The following SNX29 variants were observed in gnomAD, a reference collection of about 807,000 sequenced individuals.
The protein encoded by SNX29 is sorting nexin-29.
In SNX29, 78 loss-of-function variants were observed where a neutral mutation model predicts 102.1. The observed-to-expected ratio is 0.76, with a 90% CI of 0.64 to 0.92. SNX29 has a LOEUF of 0.92. SNX29 is among the 40% of genes least tolerant of loss of function. SNX29 has a pLI of 0.00. For missense variants in SNX29, 1,280 were observed against 1,061.7 expected (o/e 1.21, Z -2.86); for synonymous variants, 580 against 414.5 (o/e 1.40, Z -4.85).
intron 11 of SNX29, among the ~76,000 whole-genome samples, chr16:12,116,890 G>A (rs1428050358): frequency 1.3e-5 from 2 of 152,124 alleles, no homozygotes; most frequent in South Asian, 4.1e-4. Context: ...GCTTCAACGC[G>A]GACGAACCGT....
chr16:12,144,911 CG>C (rs2055001343), intron 13 of SNX29, among the ~76,000 whole-genome samples: 1 of 152,138 alleles, frequency 6.6e-6, no homozygotes, highest in South Asian at 2.1e-4. Flanking sequence ...TTAGTAGAGA[CG>C]GGGTTTCACC....
chr16:12,052,434 C>G (rs1479739429), intron 8 of SNX29: 4 of 473,820 alleles, frequency 8.4e-6, no homozygotes, highest in African/African-American at 5.9e-5. Context: ...CCAGGCTGGT[C>G]TCAAACTCCT....
rs559582375 is a variant in SNX29 at position 12,080,337 on chromosome 16, A to T, written c.1402+1422A>T. 5.9e-5 allele frequency among the ~76,000 whole-genome samples: 9 copies of T among 152,306 alleles called. No homozygotes were observed. In the South Asian group the frequency reaches 1.9e-3, roughly 32 times the overall value. On this transcript the variant is annotated intron_variant, in intron 11 of 20. Coordinates refer to ENST00000566228, the MANE Select transcript of SNX29 (RefSeq NM_032167.5). ...AGACACCGTAAGGCTGCTGCGTGGGAACGGCTGGCCGCACTTTTTGTATGT... is the reference window on the plus strand; with the variant it reads ...AGACACCGTAAGGCTGCTGCGTGGGTACGGCTGGCCGCACTTTTTGTATGT...
chr16:12,457,412 C>T (rs1452423820), intron 18 of SNX29, among the ~76,000 whole-genome samples: 1 of 152,158 alleles, frequency 6.6e-6, no homozygotes, highest in African/African-American at 2.4e-5. Context: ...CCTCCCCACT[C>T]TTAGTGATTG....
At chr16:12,380,667 C>A (rs372000963) in intron 16 of SNX29, among the ~76,000 whole-genome samples, 78 of 65,588 alleles carry the variant, frequency 1.2e-3, no homozygotes, top group South Asian at 3.9e-3. Flanking sequence ...TCCACCCACC[C>A]ACCATCCATC....
chr16:12,198,477 GA>G (rs751609136), intron 13 of SNX29, among the ~76,000 whole-genome samples: 2 of 152,056 alleles, frequency 1.3e-5, no homozygotes, highest in Admixed American at 1.3e-4. Flanking sequence ...TATAATCACA[GA>G]AAAAACCCAG....
intron 15 of SNX29, among the ~76,000 whole-genome samples, chr16:12,351,883 G>C (rs2082000411): frequency 1.3e-5 from 2 of 152,080 alleles, no homozygotes; most frequent in African/African-American, 4.8e-5. Context: ...TCTTCTTGAG[G>C]AACAGTGATT....
intron 19 of SNX29, among the ~76,000 whole-genome samples, chr16:12,494,075 T>A (rs758912213): frequency 5.3e-5 from 8 of 152,200 alleles, no homozygotes; most frequent in Non-Finnish European, 7.3e-5. Context: ...ATGCCATCCT[T>A]TGTCTACAAA....
At chr16:12,201,646 C>T (rs1009066401) in intron 14 of SNX29, among the ~76,000 whole-genome samples, 10 of 152,138 alleles carry the variant, frequency 6.6e-5, no homozygotes, top group Admixed American at 1.3e-4. Context: ...AGGACACTGC[C>T]GCTGGGAGTT....
intron 11 of SNX29, chr16:12,095,078 A>C (rs1276108082): frequency 6.6e-6 from 1 of 152,208 alleles, no homozygotes; most frequent in East Asian, 1.9e-4. Context: ...GACCTGTGGA[A>C]TGCACCAGAC....
chr16:12,521,695 C>T (rs977586511), intron 19 of SNX29, among the ~76,000 whole-genome samples: 2 of 152,148 alleles, frequency 1.3e-5, no homozygotes, highest in Admixed American at 6.5e-5. Flanking sequence ...TTCATGAGCT[C>T]CGTTGGGCAC....
At chr16:12,568,439 C>G (rs1053901755) in intron 20 of SNX29, 67 bp from the exon 21 acceptor site, 4 of 1,588,482 alleles carry the variant, frequency 2.5e-6, no homozygotes, top group South Asian at 2.3e-5. Context: ...CCTGGCTCCC[C>G]TTCCTGGCCT....
chr16:12,074,644 T>C (rs1383186394), intron 10 of SNX29, among the ~76,000 whole-genome samples: 1 of 152,186 alleles, frequency 6.6e-6, no homozygotes, highest in Non-Finnish European at 1.5e-5. Context: ...TTATGTGTCT[T>C]GGAGTTGCTC....
intron 18 of SNX29, among the ~76,000 whole-genome samples, chr16:12,442,234 G>C (rs1461781141): frequency 6.6e-6 from 1 of 152,162 alleles, no homozygotes; most frequent in Non-Finnish European, 1.5e-5. Flanking sequence ...GACTATAGAT[G>C]AATGGGTTTG....
intron 15 of SNX29, among the ~76,000 whole-genome samples, chr16:12,325,141 C>A (rs1188060844): frequency 6.6e-6 from 1 of 152,186 alleles, no homozygotes; most frequent in East Asian, 1.9e-4. Context: ...ATCTCTACTT[C>A]TGCAGGCCCC....
At chr16:12,378,039 A>C (rs969348325) in intron 16 of SNX29, among the ~76,000 whole-genome samples, 1 of 152,236 alleles carries the variant, frequency 6.6e-6, no homozygotes, top group Non-Finnish European at 1.5e-5. Flanking sequence ...AGAAGCCAGT[A>C]CAAACTGGCC....
chr16:12,559,773 C>T (rs963331160), intron 20 of SNX29, among the ~76,000 whole-genome samples: 1 of 152,142 alleles, frequency 6.6e-6, no homozygotes, highest in Non-Finnish European at 1.5e-5. Context: ...ACTCTGAAAG[C>T]ATTACACAGC....
intron 15 of SNX29, among the ~76,000 whole-genome samples, chr16:12,335,434 A>T (rs748135232): frequency 3.3e-5 from 5 of 152,046 alleles, no homozygotes; most frequent in African/African-American, 1.2e-4. Context: ...AGAGGCCAAG[A>T]TGGAAGGATC....
chr16:12,290,350 C>G (rs905861220), intron 15 of SNX29, among the ~76,000 whole-genome samples: 6 of 152,110 alleles, frequency 3.9e-5, no homozygotes, highest in African/African-American at 1.4e-4. Flanking sequence ...TTTATGAACC[C>G]TTTCCTGTCC....
Sources: allele counts gnomAD v4.1 joint callset (sites outside exome capture counted in the v4.1 genomes callset), GRCh38; gene constraint gnomAD v4.1.1; transcripts MANE v1.5; gene names NCBI Gene and HGNC (gene_info 2026-07-23, HGNC 2026-07-21).